The following CDC27 variants were observed in gnomAD, a reference collection of about 807,000 sequenced individuals.
CDC27 encodes the protein cell division cycle protein 27 homolog.
Under a neutral mutation model 109.7 loss-of-function variants are expected in CDC27, and 27 were observed. That is an observed-to-expected ratio of 0.25 (90% CI 0.18 to 0.34). The LOEUF (loss-of-function observed/expected upper bound fraction) is 0.34, where lower values mean the gene tolerates loss of function less well. Among genes scored for constraint, CDC27 ranks in the 10% least tolerant of loss-of-function variants. CDC27 has a pLI of 1.00. For synonymous variants in CDC27, 266 were observed against 333.9 expected, an observed-to-expected ratio of 0.80 and a Z score of 2.22; for missense variants, 579 against 960.2, an observed-to-expected ratio of 0.60 and a Z score of 5.25.
intron 9 of CDC27, among the ~76,000 whole-genome samples, chr17:47,151,568 C>T (rs2063151678): frequency 6.6e-6 from 1 of 152,150 alleles, no homozygotes; most frequent in Admixed American, 6.5e-5. Flanking sequence ...AATTACAAAT[C>T]CATGAGGCAA....
chr17:47,181,089 CAA>C (rs542120720), intron 2 of CDC27, among the ~76,000 whole-genome samples: 12 of 129,776 alleles, frequency 9.2e-5, no homozygotes, highest in African/African-American at 8.5e-5. Flanking sequence ...CTATCTCTAC[CAA>C]AAAAAAAAAA....
intron 7 of CDC27, among the ~76,000 whole-genome samples, chr17:47,155,191 C>T (rs1463439368): frequency 6.6e-6 from 1 of 152,078 alleles, no homozygotes; most frequent in Non-Finnish European, 1.5e-5. Context: ...CATGGTCATG[C>T]TATTTTAGTA....
rs200200993 is a variant in CDC27, at chr17:47,137,270, T to C, written c.1795A>G (p.Asn599Asp). 6.2e-7 allele frequency: 1 copy of C among 1,611,598 alleles called. No individual in the cohort carries two copies. The highest frequency in any genetic ancestry group is 2.2e-5 in the East Asian group (1 of 44,848). The change falls in exon 14 of 19, where the codon AAT becomes GAT. Residue 599 changes from asparagine (N) to aspartate (D), a missense_variant. Physicochemically the swap from Asn to Asp is conservative, Grantham distance 23. This residue lies in a region of CDC27 where 227 missense variants were observed against 363.6 expected (regional missense o/e 0.62). Transcript: ENST00000066544. Reference sequence around the variant, plus strand: ...AATAGAGTATAGGCATAAGCGTAATTTGGATCAACTTGGATAGCTCTCTGG... The same window carrying C: ...AATAGAGTATAGGCATAAGCGTAATCTGGATCAACTTGGATAGCTCTCTGG... ...FFQRAIQVDP[N>D]YAYAYTLLGH... is the part of the protein sequence containing the mutation.
chr17:47,134,114 G>A (rs1467804856), intron 14 of CDC27, among the ~76,000 whole-genome samples: 8 of 151,698 alleles, frequency 5.3e-5, no homozygotes, highest in African/African-American at 1.9e-4. Context: ...GACCAAGCTG[G>A]TTTCAAACTC....
chr17:47,129,512 C>T lies in CDC27; in HGVS notation c.2041G>A (p.Ala681Thr), dbSNP rs1385703798. 6.3e-7 allele frequency: 1 copy of T among 1,596,044 alleles called. No homozygotes were observed. The highest frequency in any genetic ancestry group is 8.5e-7 in the Non-Finnish European group (1 of 1,171,302). Residue 681 changes from alanine to threonine, a missense_variant, in exon 16 of 19, where the codon GCA becomes ACA. Ala to Thr is a moderately conservative substitution (Grantham distance 58). Around this residue, in one of 9 missense-constraint regions of CDC27, gnomAD observed 227 missense variants for 363.6 expected, o/e 0.62. Transcript: ENST00000066544. ...AAAGCCTTCTCTGATTTTTTCAGTG[C>T]ATGTTGAACCTGTAAGAAATAAAGA... The part of the protein sequence containing the change: ...LLCHIGVVQH[A>T]LKKSEKALDT...
At chr17:47,160,983 A>G (rs1370000418) in intron 4 of CDC27, 1 of 152,210 alleles carries the variant, frequency 6.6e-6, no homozygotes, top group African/African-American at 2.4e-5. Flanking sequence ...AAGCAGAAGT[A>G]GGATGCAGAC....
In CDC27 at chr17:47,156,471, G is replaced by A. The variant is rs112016766; in HGVS notation, c.842+442C>T. Among the ~76,000 whole-genome samples the A allele has an allele frequency of 4.9e-3, 726 of 147,384 alleles. 1 individual carries two copies. Among genetic ancestry groups the A allele is most frequent in the African/African-American group, 0.017 (688 of 39,838 alleles). On this transcript the variant is annotated intron_variant, in intron 7 of 18. Transcript: ENST00000066544. Reference sequence around the variant, plus strand: ...ATTCAATATCAATTTTTTTTGAGTTGGAGTCTTGGTCTGTCGCCCAGGATG... The same window carrying A: ...ATTCAATATCAATTTTTTTTGAGTTAGAGTCTTGGTCTGTCGCCCAGGATG...
At chr17:47,162,245 A>T (rs912218243) in intron 4 of CDC27, among the ~76,000 whole-genome samples, 11 of 152,142 alleles carry the variant, frequency 7.2e-5, no homozygotes, top group Non-Finnish European at 1.5e-5. Flanking sequence ...TTCTGGCTTA[A>T]GTTCCCTCTT....
chr17:47,146,636 A>C (rs2062967322), intron 9 of CDC27, among the ~76,000 whole-genome samples: 1 of 152,194 alleles, frequency 6.6e-6, no homozygotes, highest in Non-Finnish European at 1.5e-5. Context: ...AGTCCAGACT[A>C]AGGCTACTTT....
intron 4 of CDC27, among the ~76,000 whole-genome samples, chr17:47,160,902 C>G (rs2063478690): frequency 6.6e-6 from 1 of 152,138 alleles, no homozygotes; most frequent in South Asian, 2.1e-4. Flanking sequence ...AAAGAAAGTA[C>G]TACCAGTTGA....
At chr17:47,153,587 G>A (rs1482271690) in intron 8 of CDC27, among the ~76,000 whole-genome samples, 1 of 152,130 alleles carries the variant, frequency 6.6e-6, no homozygotes, top group East Asian at 1.9e-4. Flanking sequence ...TTCTATTAAG[G>A]TAAAGAGAGT....
chr17:47,144,203 T>C (rs1418134232), intron 9 of CDC27, among the ~76,000 whole-genome samples: 2 of 152,204 alleles, frequency 1.3e-5, no homozygotes, highest in African/African-American at 2.4e-5. Context: ...GCAGATGGCC[T>C]CTTGTGGGAC....
In CDC27 at chr17:47,122,468, GCTC is replaced by G; in HGVS notation, c.2365_2367del (p.Glu789del). ...CTGATCTGTTCTTCTTGGGTTATTG[GCTC>G]CTCATCATCTGGAAGATAACGCTTA... On this transcript the variant is annotated inframe_deletion, in exon 18 of 19. Coordinates refer to ENST00000066544, the MANE Select transcript of CDC27 (RefSeq NM_001256.6). The G allele has an allele frequency of 6.2e-7, 1 of 1,604,400 alleles. No homozygotes were observed. Among genetic ancestry groups the G allele is most frequent in the Non-Finnish European group, 8.5e-7 (1 of 1,174,782 alleles).
intron 2 of CDC27, among the ~76,000 whole-genome samples, chr17:47,172,505 T>C (rs539504862): frequency 1.3e-5 from 2 of 152,318 alleles, no homozygotes; most frequent in South Asian, 4.1e-4. Flanking sequence ...AATTTCTATA[T>C]TTTAAAAAGA....
chr17:47,164,929 C>G (rs1211432925), intron 4 of CDC27, among the ~76,000 whole-genome samples: 1 of 152,154 alleles, frequency 6.6e-6, no homozygotes, highest in Non-Finnish European at 1.5e-5. Flanking sequence ...ATTTCTATAA[C>G]CACTACTACA....
At chr17:47,162,079 CTCTT>C (rs1389140517) in intron 4 of CDC27, 2 of 152,118 alleles carry the variant, frequency 1.3e-5, no homozygotes, top group African/African-American at 2.4e-5. Context: ...TCTGTTCTTT[CTCTT>C]TCTTTCTGTG....
intron 1 of CDC27, among the ~76,000 whole-genome samples, chr17:47,185,203 G>C (rs376328309): frequency 6.6e-6 from 1 of 151,606 alleles, no homozygotes; most frequent in African/African-American, 2.4e-5. Context: ...TTTTGAGACA[G>C]AGTCTCACTC....
At chr17:47,165,075 T>C (rs1169220691) in intron 4 of CDC27, among the ~76,000 whole-genome samples, 1 of 152,220 alleles carries the variant, frequency 6.6e-6, no homozygotes, top group African/African-American at 2.4e-5. Context: ...TAAATGGAAT[T>C]ATAGAAACTT....
rs754538189 is a variant in CDC27, at chr17:47,171,922, G to A, written c.246C>T (p.Leu82=). The change falls in exon 3 of 19, where the codon CTC becomes CTT. Residue 82 remains leucine (L), a synonymous_variant. Coordinates refer to ENST00000066544, the MANE Select transcript of CDC27 (RefSeq NM_001256.6). ...KYLLAKCCVD[L]SKLAEGEQIL... The stretch of plus-strand genomic sequence containing the variant: ...GAAAATATTTTAAAACTTACTTGCT[G>A]AGATCAACACAACATTTTGCAAGCA... 2 of 1,587,306 alleles carry A rather than the reference G, an allele frequency of 1.3e-6. No individual in the cohort carries two copies. The highest frequency in any genetic ancestry group is 1.2e-5 in the South Asian group (1 of 85,284).
Sources: allele counts gnomAD v4.1 joint callset (sites outside exome capture counted in the v4.1 genomes callset), GRCh38; gene constraint gnomAD v4.1.1; regional missense constraint gnomAD v4.1.1; transcripts MANE v1.5; gene names NCBI Gene and HGNC (gene_info 2026-07-23, HGNC 2026-07-21).